The following ANTXR2 variants were observed in gnomAD, a reference collection of about 807,000 sequenced individuals.
The protein encoded by ANTXR2 is anthrax toxin receptor 2.
ANTXR2 carries 44 observed loss-of-function variants against 73.7 expected under a neutral mutation model. The observed-to-expected ratio is 0.60, with a 90% confidence interval of 0.47 to 0.77. The LOEUF is 0.77. Ranked by LOEUF, ANTXR2 falls within the 30% of genes least tolerant of loss-of-function variation. ANTXR2 has a pLI of 0.00. For missense variants in ANTXR2, 604 were observed against 592.5 expected (o/e 1.02, Z -0.20); for synonymous variants, 217 against 205.9 (o/e 1.05, Z -0.46).
chr4:80,048,283 C>A lies in ANTXR2; in HGVS notation c.636+5989G>T, dbSNP rs865872477. 7.9e-3 allele frequency among the ~76,000 whole-genome samples: 1,039 copies of A among 132,062 alleles called. 12 individuals are homozygous for A. Among genetic ancestry groups the A allele is most frequent in the African/African-American group, 0.022 (784 of 36,420 alleles). The allele number at this position is 132,062 out of a possible 152,430, so 86.6% of individuals were successfully genotyped here. On this transcript the variant is annotated intron_variant, in intron 7 of 16. Coordinates refer to ENST00000403729, the MANE Select transcript of ANTXR2 (RefSeq NM_058172.6). ...AGCATTAGGTAAAAAAAAAAAAAAA[C>A]AAAAACAGGAGTTGGGGCAATACAA...
chr4:80,004,614 T>C (rs1248405682), intron 12 of ANTXR2, among the ~76,000 whole-genome samples: 1 of 152,086 alleles, frequency 6.6e-6, no homozygotes, highest in African/African-American at 2.4e-5. Flanking sequence ...TCTTTCCATC[T>C]ATAGTCTAAT....
In ANTXR2 at chr4:79,947,647, T is replaced by C. The variant is rs545065364; in HGVS notation, c.1428+29974A>G. Among the ~76,000 whole-genome samples the C allele has an allele frequency of 1.1e-4, 16 of 152,268 alleles. No individual in the cohort carries two copies. In the South Asian group the frequency reaches 2.9e-3, roughly 28 times the overall value. ...CTCCACTTGCTCTCAAGAGGCACTA[T>C]ACATCTCTCTTGCCTTTCCCCTCAC... On this transcript the variant is annotated intron_variant, in intron 16 of 16. Transcript: ENST00000403729.
chr4:79,978,438 G>A (rs1019193861), intron 14 of ANTXR2, among the ~76,000 whole-genome samples: 1 of 150,990 alleles, frequency 6.6e-6, no homozygotes, highest in Non-Finnish European at 1.5e-5. Context: ...TTTTTCCATA[G>A]TTTTAAATAA....
chr4:80,047,817 C>A (rs751125200), intron 7 of ANTXR2, among the ~76,000 whole-genome samples: 1 of 151,664 alleles, frequency 6.6e-6, no homozygotes, highest in Non-Finnish European at 1.5e-5. Context: ...ATGATTGATT[C>A]CTTGGATCCA....
chr4:80,002,815 C>T (rs973442924), intron 12 of ANTXR2, among the ~76,000 whole-genome samples: 3 of 151,484 alleles, frequency 2.0e-5, no homozygotes, highest in Admixed American at 1.3e-4. Flanking sequence ...AAAAAATGCT[C>T]ACCATCACTG....
intron 12 of ANTXR2, 144 bp from the exon 13 acceptor site, chr4:79,985,007 T>G (rs1396127156): frequency 1.5e-6 from 1 of 677,218 alleles, no homozygotes; most frequent in Non-Finnish European, 2.5e-6. Flanking sequence ...TTTATGCCCC[T>G]CTCTTTGAAT....
In ANTXR2 at chr4:79,902,638, G is replaced by T. The variant is rs1726750006; in HGVS notation, c.*4791C>A. ...TTAGAGATTTCATCAGATATAAACT[G>T]TAAGTTTCCTCTTTGACAAATTTAA... On this transcript the variant is annotated 3_prime_UTR_variant, in exon 17 of 17. Transcript: ENST00000403729. The T allele has an allele frequency of 6.6e-6, 1 of 151,800 alleles. No individual in the cohort carries two copies. Among genetic ancestry groups the T allele is most frequent in the Non-Finnish European group, 1.5e-5 (1 of 67,976 alleles). 9.4% of individuals were successfully genotyped at this position (151,800 alleles called of 1,614,324 possible).
In ANTXR2 at chr4:80,072,827, C is replaced by CT. The variant is rs1418265462; in HGVS notation, c.-268dup. On this transcript the variant is annotated 5_prime_UTR_variant, in exon 1 of 17. Coordinates refer to ENST00000403729, the MANE Select transcript of ANTXR2 (RefSeq NM_058172.6). ...GTGGAAGCGCGATCCAGTCCTCCCC[C>CT]TCCCGATTCCGGAGAGTTCCTGCAG... The CT allele has an allele frequency of 1.8e-5, 14 of 765,590 alleles. No homozygotes were observed. Among genetic ancestry groups the CT allele is most frequent in the Non-Finnish European group, 2.5e-5 (14 of 560,168 alleles). The allele number at this position is 765,590 out of a possible 1,614,324, so 47.4% of individuals were successfully genotyped here. A position where few individuals can be genotyped will look rare whatever the true frequency, so the allele number is the denominator to read the frequency against.
At chr4:80,055,812 G>T in intron 4 of ANTXR2, 120 bp downstream of exon 4, 1 of 745,186 alleles carries the variant, frequency 1.3e-6, no homozygotes, top group Non-Finnish European at 2.1e-6. Flanking sequence ...ACAACTAAAA[G>T]CACTTTAAAA....
Position 80,014,538 on chromosome 4 carries a change from C to A in ANTXR2, c.945+4360G>T, listed in dbSNP as rs1731748125. On this transcript the variant is annotated intron_variant, in intron 11 of 16. Coordinates refer to ENST00000403729, the MANE Select transcript of ANTXR2 (RefSeq NM_058172.6). ...CCAAACTGGCGTCACTGCACTCCAGCCTACCAACAGAACAAGACTCAGTCT... is the reference window on the plus strand; with the variant it reads ...CCAAACTGGCGTCACTGCACTCCAGACTACCAACAGAACAAGACTCAGTCT... Among the ~76,000 whole-genome samples the A allele has an allele frequency of 2.0e-5, 3 of 151,982 alleles. No individual in the cohort carries two copies. The South Asian group carries it at 6.2e-4, about 32-fold the overall frequency.
At chr4:79,961,851 T>C (rs1338218819) in intron 16 of ANTXR2, among the ~76,000 whole-genome samples, 1 of 152,138 alleles carries the variant, frequency 6.6e-6, no homozygotes, top group Non-Finnish European at 1.5e-5. Flanking sequence ...TTGTTTCTTG[T>C]TTATCAAAAG....
intron 12 of ANTXR2, among the ~76,000 whole-genome samples, chr4:80,005,061 T>C (rs527538560): frequency 1.8e-4 from 28 of 152,196 alleles, no homozygotes; most frequent in Non-Finnish European, 3.5e-4. Flanking sequence ...AATCATGTTA[T>C]AAAATATGAC....
chr4:79,944,565 A>G lies in ANTXR2; in HGVS notation c.1428+33056T>C, dbSNP rs1458953063. ...TATAGTTCTAATTTGTGTGACAAAT[A>G]AAAGGTATTTTTTTCAGCATTCACA... On this transcript the variant is annotated intron_variant, in intron 16 of 16. Transcript: ENST00000403729. Among the ~76,000 whole-genome samples the G allele has an allele frequency of 2.6e-5, 4 of 151,614 alleles. No individual in the cohort carries two copies. The East Asian group carries it at 7.8e-4, about 29-fold the overall frequency.
intron 12 of ANTXR2, among the ~76,000 whole-genome samples, chr4:79,988,759 A>G (rs927600386): frequency 6.6e-6 from 1 of 152,124 alleles, no homozygotes; most frequent in Non-Finnish European, 1.5e-5. Flanking sequence ...AGCAATTCTC[A>G]ACAAACTTAA....
intron 12 of ANTXR2, among the ~76,000 whole-genome samples, chr4:79,993,782 A>ACACACACACACG (rs755550984): frequency 6.6e-4 from 100 of 151,516 alleles, no homozygotes; most frequent in Middle Eastern, 3.4e-3. Context: ...ACACACACAC[A>ACACACACACACG]CATGCACTTT....
intron 10 of ANTXR2, among the ~76,000 whole-genome samples, chr4:80,031,072 C>T (rs927724551): frequency 2.0e-5 from 3 of 151,752 alleles, no homozygotes; most frequent in African/African-American, 7.3e-5. Flanking sequence ...GGTTTTTTGG[C>T]CACACAAAAG....
intron 16 of ANTXR2, among the ~76,000 whole-genome samples, chr4:79,950,480 C>G (rs1268558938): frequency 1.3e-5 from 2 of 152,102 alleles, no homozygotes; most frequent in Non-Finnish European, 2.9e-5. Flanking sequence ...CATTTCAAAC[C>G]AAAGCTACTA....
At chr4:80,064,394 A>T (rs1578196915) in intron 3 of ANTXR2, among the ~76,000 whole-genome samples, 1 of 152,212 alleles carries the variant, frequency 6.6e-6, no homozygotes, top group Non-Finnish European at 1.5e-5. Flanking sequence ...AAGGTTCTGA[A>T]GTCATATCAG....
chr4:79,978,215 G>T, intron 14 of ANTXR2, 41 bp from the exon 15 acceptor site: 3 of 1,583,972 alleles, frequency 1.9e-6, no homozygotes, highest in Non-Finnish European at 2.6e-6. Flanking sequence ...GACATAAAGT[G>T]TCCTAGAGGA....
Sources: gnomAD v4.1 joint callset for allele counts (sites outside exome capture counted in the v4.1 genomes callset) on GRCh38, gnomAD v4.1.1 for gene constraint, MANE v1.5 for transcripts, NCBI Gene and HGNC (gene_info 2026-07-23, HGNC 2026-07-21) for gene names.